The following ABCB5 variants were observed in gnomAD, a reference collection of about 807,000 sequenced individuals.
ABCB5 encodes the protein ATP-binding cassette sub-family B member 5.
A neutral mutation model predicts 144.2 loss-of-function variants in ABCB5; 155 were observed. The ratio of observed to expected loss-of-function variants is 1.08; its 90% CI spans 0.94 to 1.23. ABCB5 has a LOEUF of 1.23. ABCB5 is among the 50% of genes most tolerant of loss of function. The pLI, the probability that ABCB5 is intolerant of heterozygous loss-of-function variation, is 0.00. For synonymous variants in ABCB5, 610 were observed against 528.6 expected, an observed-to-expected ratio of 1.15 and a Z score of -2.11; for missense variants, 1,830 against 1,520.8, an observed-to-expected ratio of 1.20 and a Z score of -3.38.
chr7:20,660,412 T>G (rs1343550904), intron 14 of ABCB5: 1 of 985,348 alleles, frequency 1.0e-6, no homozygotes, highest in Admixed American at 6.1e-5. Context: ...AACTGCTTTA[T>G]GTATGGTTTG....
chr7:20,701,573 A>T (rs1364857367), intron 19 of ABCB5, among the ~76,000 whole-genome samples: 1 of 152,194 alleles, frequency 6.6e-6, no homozygotes. Context: ...TGGTTAATCT[A>T]GTATTTTGAT....
intron 5 of ABCB5, among the ~76,000 whole-genome samples, chr7:20,636,301 C>A (rs1784153898): frequency 6.6e-6 from 1 of 151,478 alleles, no homozygotes; most frequent in South Asian, 2.1e-4. Flanking sequence ...CTTTTTTTTA[C>A]AAAAAGTTTA....
chr7:20,714,166 G>C (rs1225436838), intron 20 of ABCB5, among the ~76,000 whole-genome samples: 1 of 152,052 alleles, frequency 6.6e-6, no homozygotes, highest in Admixed American at 6.6e-5. Flanking sequence ...CTCTGTCTTG[G>C]TGAGAAGCAG....
At chr7:20,715,237 A>T (rs530349376) in intron 20 of ABCB5, among the ~76,000 whole-genome samples, 13 of 152,032 alleles carry the variant, frequency 8.6e-5, no homozygotes, top group South Asian at 4.1e-4. Flanking sequence ...GCAGAAATGG[A>T]GTTTCACCAC....
intron 26 of ABCB5, among the ~76,000 whole-genome samples, chr7:20,748,841 A>G (rs968681385): frequency 1.1e-4 from 16 of 152,142 alleles, no homozygotes; most frequent in African/African-American, 3.9e-4. Context: ...TAAAACAGGC[A>G]TAGGAAGAAA....
rs537202456 is a variant in ABCB5, at chr7:20,743,075, G to A, written c.3222+1G>A. On this transcript the variant is annotated splice_donor_variant, in intron 25 of 27. Coordinates refer to ENST00000404938, the MANE Select transcript of ABCB5 (RefSeq NM_001163941.2). LOFTEE classifies it high-confidence loss of function. ...TTATGACCCCGTGCAAGGACAAGTGGTAAGACAGAACTGAAACACACCTAA... is the reference window on the plus strand; with the variant it reads ...TTATGACCCCGTGCAAGGACAAGTGATAAGACAGAACTGAAACACACCTAA... 1 of 1,613,676 alleles carries A rather than the reference G, an allele frequency of 6.2e-7. No individual in the cohort carries two copies. Among genetic ancestry groups the A allele is most frequent in the Non-Finnish European group, 8.5e-7 (1 of 1,179,758 alleles).
At chr7:20,739,246 A>T in intron 24 of ABCB5, 107 bp downstream of exon 24, 1 of 1,154,378 alleles carries the variant, frequency 8.7e-7, no homozygotes, top group South Asian at 1.7e-5. Context: ...AAAACTAACC[A>T]TTGGGTGCTA....
rs1034924026 is a variant in ABCB5 at position 20,659,912 on chromosome 7, G to C, written c.1707+1236G>C. 5.3e-6 allele frequency: 5 copies of C among 947,484 alleles called. No individual in the cohort carries two copies. The African/African-American group carries it at 8.9e-5, about 17-fold the overall frequency. 58.7% of individuals were successfully genotyped at this position (947,484 alleles called of 1,614,324 possible). A position where few individuals can be genotyped will look rare whatever the true frequency, so the allele number is the denominator to read the frequency against. On this transcript the variant is annotated intron_variant, in intron 14 of 27. Coordinates refer to ENST00000404938, the MANE Select transcript of ABCB5 (RefSeq NM_001163941.2). ...TTGACCAGGCTGGTCTCAAACTCCTGACCTCAGGTGATCCGCCCACCTCGG... is the reference window on the plus strand; with the variant it reads ...TTGACCAGGCTGGTCTCAAACTCCTCACCTCAGGTGATCCGCCCACCTCGG...
In ABCB5 at chr7:20,619,769, G is replaced by A. The variant is rs554330730; in HGVS notation, c.-21-3496G>A. 4.6e-5 allele frequency among the ~76,000 whole-genome samples: 7 copies of A among 152,284 alleles called. No homozygotes were observed. In the East Asian group the frequency reaches 1.3e-3, roughly 29 times the overall value. ...CTTTGCCAAGGCCGATGACAACAAGGATATTTCTTAAGTTTTCTTCCAGGG... is the reference window on the plus strand; with the variant it reads ...CTTTGCCAAGGCCGATGACAACAAGAATATTTCTTAAGTTTTCTTCCAGGG... On this transcript the variant is annotated intron_variant, in intron 1 of 27. Transcript: ENST00000404938.
Position 20,651,474 on chromosome 7 carries a change from C to T in ABCB5, c.1387C>T (p.His463Tyr). 1.2e-6 allele frequency: 2 copies of T among 1,613,886 alleles called. No homozygotes were observed. The highest frequency in any genetic ancestry group is 1.7e-6 in the Non-Finnish European group (2 of 1,179,980). Reference protein sequence around the residue: ...RALNVRHYRDHIGVVSQEPVL... With the variant: ...RALNVRHYRDYIGVVSQEPVL... ...TTTAAATGTGCGGCATTATCGAGAC[C>T]ATATTGGAGTGGTTAGTCAAGAGCC... The change falls in exon 13 of 28, where the codon CAT becomes TAT. Residue 463 changes from histidine to tyrosine, a missense_variant. Transcript: ENST00000404938.
At chr7:20,739,317 C>G (rs1782489681) in intron 24 of ABCB5, among the ~76,000 whole-genome samples, 178 bp downstream of exon 24, 1 of 151,684 alleles carries the variant, frequency 6.6e-6, no homozygotes, top group South Asian at 2.1e-4. Flanking sequence ...CGCAATATAC[C>G]CAGACAACAA....
intron 20 of ABCB5, among the ~76,000 whole-genome samples, chr7:20,722,308 A>G (rs1216631252): frequency 6.6e-6 from 1 of 152,232 alleles, no homozygotes; most frequent in African/African-American, 2.4e-5. Flanking sequence ...CCTATCATTG[A>G]GAAGACAAAG....
chr7:20,634,326 C>A (rs1583381498), intron 5 of ABCB5, among the ~76,000 whole-genome samples: 1 of 151,164 alleles, frequency 6.6e-6, no homozygotes, highest in Admixed American at 6.6e-5. Flanking sequence ...GAGTCCATAT[C>A]TTTGCTATTG....
At chr7:20,669,723 T>TAAAAAAAAA (rs35747177) in intron 14 of ABCB5, among the ~76,000 whole-genome samples, 3 of 65,578 alleles carry the variant, frequency 4.6e-5, no homozygotes, top group African/African-American at 1.1e-4. Flanking sequence ...GAATGATCAA[T>TAAAAAAAAA]AAAAAAAAAA....
chr7:20,620,677 G>A (rs756230755), intron 1 of ABCB5, among the ~76,000 whole-genome samples: 14 of 151,742 alleles, frequency 9.2e-5, no homozygotes, highest in Non-Finnish European at 1.8e-4. Flanking sequence ...ATTGCAAATC[G>A]CAACCACAAT....
intron 25 of ABCB5, among the ~76,000 whole-genome samples, chr7:20,744,058 GTTTT>G (rs891678493): frequency 1.3e-5 from 2 of 151,922 alleles, no homozygotes; most frequent in African/African-American, 4.8e-5. Context: ...GCTTTTGTAC[GTTTT>G]TTGTTTTGTT....
At chr7:20,621,577 G>T (rs935674660) in intron 1 of ABCB5, among the ~76,000 whole-genome samples, 1 of 152,032 alleles carries the variant, frequency 6.6e-6, no homozygotes, top group African/African-American at 2.4e-5. Context: ...CTAGTAGCTG[G>T]CACATCATAT....
chr7:20,723,103 A>G lies in ABCB5; in HGVS notation c.2509A>G (p.Met837Val). Residue 837 changes from methionine (M) to valine (V), a missense_variant, in exon 21 of 28, where the codon ATG (methionine) becomes GTG (valine). Transcript: ENST00000404938. ...VIISFIYGWE[M>V]TFLILSIAPV... ...CATTTCCTTTATATATGGATGGGAG[A>G]TGACATTCCTGATTCTGAGTATTGC... 1 of 1,614,096 alleles carries G rather than the reference A, an allele frequency of 6.2e-7. No individual in the cohort carries two copies. The highest frequency in any genetic ancestry group is 8.5e-7 in the Non-Finnish European group (1 of 1,180,014).
intron 14 of ABCB5, among the ~76,000 whole-genome samples, chr7:20,661,123 A>T (rs1233731064): frequency 1.3e-5 from 2 of 152,210 alleles, no homozygotes; most frequent in Non-Finnish European, 2.9e-5. Flanking sequence ...AAATTTGGTG[A>T]CATCGTACTT....
Sources: gnomAD v4.1 joint callset for allele counts (sites outside exome capture counted in the v4.1 genomes callset) on GRCh38, gnomAD v4.1.1 for gene constraint, MANE v1.5 for transcripts, NCBI Gene and HGNC (gene_info 2026-07-23, HGNC 2026-07-21) for gene names.